The following TAF2 variants were observed in gnomAD, a reference collection of about 807,000 sequenced individuals.
The protein encoded by TAF2 is TATA-box binding protein associated factor 2, also known as transcription initiation factor TFIID subunit 2.
Under a neutral mutation model 138.5 loss-of-function variants are expected in TAF2, and 61 were observed. The observed-to-expected ratio is 0.44, with a 90% CI of 0.36 to 0.54. The LOEUF is 0.54. Ranked by LOEUF, TAF2 falls within the 20% of genes least tolerant of loss-of-function variation. TAF2 has a pLI of 0.00. For synonymous variants in TAF2, 475 were observed against 469.9 expected (o/e 1.01, Z -0.14); for missense variants, 1,090 against 1,427.9 (o/e 0.76, Z 3.81).
chr8:119,753,150 A>G (rs970021388), intron 22 of TAF2, among the ~76,000 whole-genome samples: 5 of 152,214 alleles, frequency 3.3e-5, no homozygotes, highest in East Asian at 3.8e-4. Flanking sequence ...CTATAACTAT[A>G]TAACACAACA....
intron 14 of TAF2, among the ~76,000 whole-genome samples, chr8:119,787,445 T>G (rs1814720930): frequency 6.6e-6 from 1 of 151,290 alleles, no homozygotes; most frequent in African/African-American, 2.4e-5. Flanking sequence ...GAACAGACAC[T>G]TCTCAAAAGA....
intron 21 of TAF2, among the ~76,000 whole-genome samples, 178 bp downstream of exon 21, chr8:119,757,895 C>CA (rs375155977): frequency 0.011 from 1,543 of 140,278 alleles, 21 homozygotes; most frequent in African/African-American, 0.036. Flanking sequence ...GACTCCATCT[C>CA]AAAAAAAAAA....
Position 119,746,880 on chromosome 8 carries a change from A to C in TAF2, c.2933T>G (p.Leu978Arg), listed in dbSNP as rs1820013817. Reference protein sequence around the residue: ...RCGAVDLYFTLFGLSRPSCLP... With the variant: ...RCGAVDLYFTRFGLSRPSCLP... Reference sequence around the variant, plus strand: ...ACAGGAAGGTCTACTGAGGCCAAAAAGTGTGAAGTACAAGTCCACAGCACC... The same window carrying C: ...ACAGGAAGGTCTACTGAGGCCAAAACGTGTGAAGTACAAGTCCACAGCACC... Residue 978 changes from leucine (L) to arginine (R), a missense_variant, in exon 23 of 26, where the codon CTT becomes CGT. By Grantham distance (102) the Leu-to-Arg change is moderately radical. Transcript: ENST00000378164. 6.2e-7 allele frequency: 1 copy of C among 1,614,032 alleles called. No homozygotes were observed. Among genetic ancestry groups the C allele is most frequent in the Admixed American group, 1.7e-5 (1 of 60,004 alleles).
intron 10 of TAF2, 137 bp downstream of exon 10, chr8:119,793,229 A>C (rs1823566034): frequency 1.5e-6 from 1 of 645,290 alleles, no homozygotes; most frequent in South Asian, 2.3e-5. Flanking sequence ...ATGAGTCTGT[A>C]AGCTTTAGCA....
intron 3 of TAF2, among the ~76,000 whole-genome samples, chr8:119,808,610 C>T (rs1033970484): frequency 6.6e-6 from 1 of 152,192 alleles, no homozygotes; most frequent in African/African-American, 2.4e-5. Context: ...TCTATGGCAA[C>T]TATCGCCTTA....
chr8:119,789,400 T>C (rs1327796756), intron 12 of TAF2, among the ~76,000 whole-genome samples, 192 bp downstream of exon 12: 1 of 152,164 alleles, frequency 6.6e-6, no homozygotes, highest in East Asian at 1.9e-4. Flanking sequence ...CATACATGTG[T>C]GTGCACCTTA....
chr8:119,821,434 G>T (rs1586541765), intron 2 of TAF2, among the ~76,000 whole-genome samples: 1 of 152,186 alleles, frequency 6.6e-6, no homozygotes, highest in Non-Finnish European at 1.5e-5. Context: ...AAATGAAATG[G>T]TTCCTGAATC....
chr8:119,817,529 TG>T (rs1191151231), intron 3 of TAF2, among the ~76,000 whole-genome samples: 1 of 152,200 alleles, frequency 6.6e-6, no homozygotes, highest in African/African-American at 2.4e-5. Flanking sequence ...CTAAAAGTAA[TG>T]AGGCATCTTC....
intron 1 of TAF2, 122 bp downstream of exon 1, chr8:119,832,360 G>A: frequency 1.2e-6 from 1 of 852,368 alleles, no homozygotes; most frequent in East Asian, 2.6e-5. Flanking sequence ...TTCCATCACA[G>A]TGAGTAAATT....
chr8:119,752,982 A>T (rs1323040726), intron 22 of TAF2, among the ~76,000 whole-genome samples: 1 of 152,180 alleles, frequency 6.6e-6, no homozygotes, highest in Non-Finnish European at 1.5e-5. Context: ...TTGGGGACTT[A>T]AATGATGCTC....
chr8:119,788,403 A>T lies in TAF2; in HGVS notation c.1728T>A (p.Asn576Lys), dbSNP rs757364126. 2 of 1,613,544 alleles carry T rather than the reference A, an allele frequency of 1.2e-6. No individual in the cohort carries two copies. The highest frequency in any genetic ancestry group is 2.2e-5 in the East Asian group (1 of 44,784). Residue 576 changes from asparagine (N) to lysine (K), a missense_variant, in exon 14 of 26, where the codon AAT (asparagine) becomes AAA (lysine). By Grantham distance (94) the Asn-to-Lys change is moderately conservative. Transcript: ENST00000378164. ...VTVQELDGSF[N>K]HTLQIEENSL... ...TGTTTTCTTCAATTTGCAGTGTATG[A>T]TTGAAGGATCCATCTAACTCCTGCA... is the stretch of plus-strand genomic sequence containing the variant.
chr8:119,832,395 G>A, intron 1 of TAF2, 87 bp downstream of exon 1: 2 of 1,259,972 alleles, frequency 1.6e-6, no homozygotes, highest in Non-Finnish European at 2.3e-6. Flanking sequence ...GGTTTCCCAG[G>A]CCCACCAAGT....
At chr8:119,733,846 T>G (rs999544607) in intron 25 of TAF2, among the ~76,000 whole-genome samples, 3 of 151,912 alleles carry the variant, frequency 2.0e-5, no homozygotes, top group African/African-American at 7.2e-5. Context: ...ATCTGGATTA[T>G]GGGTACTAGT....
chr8:119,792,655 AAC>A (rs763140910), intron 10 of TAF2, among the ~76,000 whole-genome samples: 12 of 152,304 alleles, frequency 7.9e-5, no homozygotes, highest in Non-Finnish European at 1.8e-4. Flanking sequence ...ACCCCAACGC[AAC>A]AGTCTTAAGA....
At chr8:119,803,826 T>C in intron 5 of TAF2, 52 bp downstream of exon 5, 9 of 1,534,102 alleles carry the variant, frequency 5.9e-6, no homozygotes, top group Admixed American at 1.8e-5. Flanking sequence ...TGCTTATACA[T>C]AAAAAATGCA....
chr8:119,828,513 C>T (rs546366322), intron 2 of TAF2, among the ~76,000 whole-genome samples: 2 of 152,244 alleles, frequency 1.3e-5, no homozygotes, highest in East Asian at 3.9e-4. Flanking sequence ...ACAGAAACTG[C>T]AACAACCCAA....
At chr8:119,787,047 G>A (rs558186833) in intron 14 of TAF2, among the ~76,000 whole-genome samples, 1 of 152,276 alleles carries the variant, frequency 6.6e-6, no homozygotes, top group South Asian at 2.1e-4. Flanking sequence ...AGTCAAAATT[G>A]ACAAATGGGA....
intron 22 of TAF2, among the ~76,000 whole-genome samples, chr8:119,752,579 T>G (rs947017059): frequency 1.3e-5 from 2 of 152,210 alleles, no homozygotes; most frequent in African/African-American, 4.8e-5. Flanking sequence ...GAACGGCACA[T>G]GAATTTTTAA....
At chr8:119,762,192 T>A (rs1461497129) in intron 19 of TAF2, among the ~76,000 whole-genome samples, 1 of 152,162 alleles carries the variant, frequency 6.6e-6, no homozygotes, top group Admixed American at 6.5e-5. Context: ...AAACTACATA[T>A]ACAGTATAAT....
Sources: allele counts gnomAD v4.1 joint callset (sites outside exome capture counted in the v4.1 genomes callset), GRCh38; gene constraint gnomAD v4.1.1; transcripts MANE v1.5; gene names NCBI Gene and HGNC (gene_info 2026-07-23, HGNC 2026-07-21).